MAML3: variants seen among roughly 807,000 people sequenced by gnomAD.
The protein encoded by MAML3 is mastermind-like protein 3.
Under a neutral mutation model 101.9 loss-of-function variants are expected in MAML3, and 27 were observed. That is an observed-to-expected ratio of 0.27 (90% CI 0.20 to 0.37). The LOEUF (loss-of-function observed/expected upper bound fraction) is 0.37. Ranked by LOEUF, MAML3 falls within the 10% of genes least tolerant of loss-of-function variation. MAML3 has a pLI of 1.00. For missense variants in MAML3, 1,316 were observed against 1,444.9 expected (o/e 0.91, Z 1.45); for synonymous variants, 501 against 555.9 (o/e 0.90, Z 1.39).
intron 2 of MAML3, among the ~76,000 whole-genome samples, chr4:139,835,709 A>G (rs78377634): frequency 0.06 from 9,149 of 152,162 alleles, 892 homozygotes; most frequent in African/African-American, 0.21. Flanking sequence ...GAGGTCTTTG[A>G]CTTGAGAGTT....
At chr4:139,868,988 C>T (rs1033959337) in intron 2 of MAML3, among the ~76,000 whole-genome samples, 14 of 152,112 alleles carry the variant, frequency 9.2e-5, no homozygotes, top group African/African-American at 2.2e-4. Context: ...TTGCTGTTGA[C>T]GTTTAATTGC....
At chr4:139,766,285 C>T (rs1050671163) in intron 2 of MAML3, among the ~76,000 whole-genome samples, 3 of 152,150 alleles carry the variant, frequency 2.0e-5, no homozygotes, top group African/African-American at 7.2e-5. Flanking sequence ...GATTCTCCTG[C>T]CTCAGCCTCC....
At chr4:140,036,764 GT>G (rs1389933494) in intron 1 of MAML3, among the ~76,000 whole-genome samples, 2 of 152,130 alleles carry the variant, frequency 1.3e-5, no homozygotes, top group African/African-American at 4.8e-5. Context: ...CTGGAAAATT[GT>G]TAAGTTATAA....
chr4:139,995,490 T>G (rs185594495), intron 1 of MAML3, among the ~76,000 whole-genome samples: 1 of 152,172 alleles, frequency 6.6e-6, no homozygotes. Flanking sequence ...TGTGGGAAGA[T>G]TTTTGAATAC....
chr4:140,119,930 T>C (rs1728577884), intron 1 of MAML3, among the ~76,000 whole-genome samples: 1 of 151,998 alleles, frequency 6.6e-6, no homozygotes, highest in Non-Finnish European at 1.5e-5. Context: ...ATCAAGTTTG[T>C]CTCCTGAGGT....
chr4:140,011,609 G>C (rs1178195682), intron 1 of MAML3, among the ~76,000 whole-genome samples: 1 of 151,942 alleles, frequency 6.6e-6, no homozygotes, highest in African/African-American at 2.4e-5. Flanking sequence ...CTCCCAAAGT[G>C]CTGGGATTAC....
intron 1 of MAML3, among the ~76,000 whole-genome samples, chr4:140,020,667 G>A (rs1206710640): frequency 6.6e-6 from 1 of 152,112 alleles, no homozygotes; most frequent in African/African-American, 2.4e-5. Context: ...CTGAGGGAAT[G>A]GAAGAGTGCT....
At chr4:139,879,642 G>C (rs944710024) in intron 2 of MAML3, among the ~76,000 whole-genome samples, 1 of 146,896 alleles carries the variant, frequency 6.8e-6, no homozygotes, top group Non-Finnish European at 1.5e-5. Flanking sequence ...TGTGGGCGGG[G>C]GGGTGGGGAT....
At chr4:139,939,714 C>T (rs150611577) in intron 1 of MAML3, among the ~76,000 whole-genome samples, 2 of 151,074 alleles carry the variant, frequency 1.3e-5, no homozygotes, top group African/African-American at 4.9e-5. Flanking sequence ...TGTCTCTGAA[C>T]AAGGCATAGT....
chr4:139,758,250 C>G (rs1338170858), intron 2 of MAML3, among the ~76,000 whole-genome samples: 3 of 152,178 alleles, frequency 2.0e-5, no homozygotes, highest in African/African-American at 7.2e-5. Flanking sequence ...TTTCCTGAGG[C>G]TCCTGTCTAA....
Position 139,720,148 on chromosome 4 carries a change from C to T in MAML3, c.2592G>A (p.Thr864=), listed in dbSNP as rs1209374740. The T allele has an allele frequency of 5.6e-6, 9 of 1,613,926 alleles. No homozygotes were observed. Among genetic ancestry groups the T allele is most frequent in the Non-Finnish European group, 7.6e-6 (9 of 1,179,906 alleles). Residue 864 remains threonine (T), a synonymous_variant, in exon 5 of 5, where the codon ACG becomes ACA. Transcript: ENST00000509479. ...TGTACATTCCTGGTTGGCTGGTAGG[C>T]GTGGTGCTATAAGGGGCCAGTCCCA... ...SEMGLAPYST[T]PTSQPGMYNM...
intron 2 of MAML3, among the ~76,000 whole-genome samples, chr4:139,832,093 C>CTTTTTTTTTTTTTTTTTTT: frequency 1.0e-5 from 1 of 98,406 alleles, no homozygotes; most frequent in Non-Finnish European, 2.3e-5. Context: ...ATGCCCAGCC[C>CTTTTTTTTTTTTTTTTTTT]CTTTTTTTTT....
chr4:139,974,014 GT>G (rs1312647431), intron 1 of MAML3, among the ~76,000 whole-genome samples: 1 of 151,792 alleles, frequency 6.6e-6, no homozygotes. Flanking sequence ...TAGAACATCT[GT>G]TAATTCAAAA....
At chr4:139,728,382 G>GT (rs1728563760) in intron 3 of MAML3, among the ~76,000 whole-genome samples, 1 of 152,202 alleles carries the variant, frequency 6.6e-6, no homozygotes, top group African/African-American at 2.4e-5. Flanking sequence ...CCAGGGCCAC[G>GT]TGACAGGCCC....
chr4:139,908,606 C>T (rs997478267), intron 1 of MAML3, among the ~76,000 whole-genome samples: 1 of 152,214 alleles, frequency 6.6e-6, no homozygotes, highest in Non-Finnish European at 1.5e-5. Flanking sequence ...TTACTAACAG[C>T]TCACTAGTCT....
Position 140,129,381 on chromosome 4 carries a change from C to T in MAML3, c.468+23479G>A, listed in dbSNP as rs72935793. On this transcript the variant is annotated intron_variant, in intron 1 of 4. Coordinates refer to ENST00000509479, the MANE Select transcript of MAML3 (RefSeq NM_018717.5). ...TTCTACAAAGAAGGTGACTCTAAAT[C>T]CCCCCTACCCCCAATTCTTATGCAT... 7.2e-3 allele frequency among the ~76,000 whole-genome samples: 1,085 copies of T among 151,614 alleles called. 16 individuals carry two copies. The highest frequency in any genetic ancestry group is 0.025 in the African/African-American group (1,018 of 40,934).
At chr4:139,747,843 T>A (rs1228835205) in intron 2 of MAML3, among the ~76,000 whole-genome samples, 1 of 151,618 alleles carries the variant, frequency 6.6e-6, no homozygotes, top group Non-Finnish European at 1.5e-5. Flanking sequence ...CACCTGAGGT[T>A]AGGAGTTCGA....
At chr4:140,005,945 T>A (rs1726435316) in intron 1 of MAML3, among the ~76,000 whole-genome samples, 1 of 152,202 alleles carries the variant, frequency 6.6e-6, no homozygotes, top group Non-Finnish European at 1.5e-5. Flanking sequence ...TGTGACATAA[T>A]TCAACCTCAA....
In MAML3 at chr4:140,151,580, G is replaced by A. The variant is rs377515873; in HGVS notation, c.468+1280C>T. The stretch of plus-strand genomic sequence containing the variant: ...GGGAGGGCCGCCCCTGCCGGGCTCT[G>A]CGCCGCCGATCGCTGGGCGGTCTGC... On this transcript the variant is annotated intron_variant, in intron 1 of 4. Transcript: ENST00000509479. 8.5e-5 allele frequency among the ~76,000 whole-genome samples: 13 copies of A among 152,050 alleles called. No individual in the cohort carries two copies. In the East Asian group the frequency reaches 2.0e-3, roughly 23 times the overall value.
Sources: allele counts gnomAD v4.1 joint callset (sites outside exome capture counted in the v4.1 genomes callset), GRCh38; gene constraint gnomAD v4.1.1; transcripts MANE v1.5; gene names NCBI Gene and HGNC (gene_info 2026-07-23, HGNC 2026-07-21).